Variants in NEGR1 observed in about 807,000 individuals in gnomAD.
NEGR1 encodes IgLON family member 4.
In NEGR1, 10 loss-of-function variants were observed where a neutral mutation model predicts 40.9. That is an observed-to-expected ratio of 0.24 (90% confidence interval 0.15 to 0.42). The LOEUF is 0.42. NEGR1 is among the 10% of genes least tolerant of loss of function. The probability of loss-of-function intolerance (pLI) is 1.00; values close to 1 mark genes in which losing one functional copy is unlikely to be tolerated. For synonymous variants in NEGR1, 185 were observed against 166.8 expected, an observed-to-expected ratio of 1.11 and a Z score of -0.84; for missense variants, 352 against 438.9, an observed-to-expected ratio of 0.80 and a Z score of 1.77.
chr1:71,967,205 G>T (rs1228734863), intron 1 of NEGR1, among the ~76,000 whole-genome samples: 1 of 152,146 alleles, frequency 6.6e-6, no homozygotes, highest in Non-Finnish European at 1.5e-5. Flanking sequence ...AAAAAATAAT[G>T]AATGAAGAAC....
Position 71,407,530 on chromosome 1 carries a change from A to T in NEGR1, c.981T>A (p.Asp327Glu). 6.2e-7 allele frequency: 1 copy of T among 1,612,382 alleles called. No homozygotes were observed. Among genetic ancestry groups the T allele is most frequent in the Non-Finnish European group, 8.5e-7 (1 of 1,178,578 alleles). The change falls in exon 7 of 7, where the codon GAT becomes GAA. Residue 327 changes from aspartate to glutamate, a missense_variant. Physicochemically the swap from Asp to Glu is conservative, Grantham distance 45. Transcript: ENST00000357731. ...TAQYGITGSADVLFSCWYLVL... is the reference protein window; with the variant it reads ...TAQYGITGSAEVLFSCWYLVL... ...CAAGGTACCAGCAGGAGAAAAGAAC[A>T]TCAGCGCTCCCGGTAATTCCATACT...
At chr1:71,449,712 T>C (rs988613779) in intron 6 of NEGR1, among the ~76,000 whole-genome samples, 1 of 152,148 alleles carries the variant, frequency 6.6e-6, no homozygotes, top group Non-Finnish European at 1.5e-5. Flanking sequence ...AAATCTTTAT[T>C]ATCTTCATTT....
At chr1:71,711,376 C>G (rs1296207581) in intron 3 of NEGR1, among the ~76,000 whole-genome samples, 1 of 142,978 alleles carries the variant, frequency 7.0e-6, no homozygotes, top group Admixed American at 7.1e-5. Flanking sequence ...AGAAGACACC[C>G]AGATGGTAAA....
chr1:72,201,904 A>C lies in NEGR1; in HGVS notation c.176+80415T>G, dbSNP rs116756988. On this transcript the variant is annotated intron_variant, in intron 1 of 6. Coordinates refer to ENST00000357731, the MANE Select transcript of NEGR1 (RefSeq NM_173808.3). Reference sequence around the variant, plus strand: ...TATTTATACAAGCACACAGAATTTTATTGTACTTTTCTTTGTTATGCTTTG... The same window carrying C: ...TATTTATACAAGCACACAGAATTTTCTTGTACTTTTCTTTGTTATGCTTTG... 7.6e-3 allele frequency among the ~76,000 whole-genome samples: 1,156 copies of C among 151,992 alleles called. 7 individuals are homozygous for C. Among genetic ancestry groups the C allele is most frequent in the Non-Finnish European group, 0.012 (828 of 67,906 alleles).
At chr1:71,591,190 T>C (rs1334003) in intron 6 of NEGR1, among the ~76,000 whole-genome samples, 136,136 of 152,150 alleles carry the variant, frequency 0.89, 62,265 homozygotes, top group Non-Finnish European at 1. Flanking sequence ...TCAAATTGTA[T>C]GTACTTAATA....
At chr1:71,650,827 T>C (rs1651688095) in intron 4 of NEGR1, among the ~76,000 whole-genome samples, 1 of 152,204 alleles carries the variant, frequency 6.6e-6, no homozygotes, top group African/African-American at 2.4e-5. Context: ...GGAGATCTTA[T>C]TTTGCTTTGT....
At chr1:72,067,800 T>A (rs1380453761) in intron 1 of NEGR1, among the ~76,000 whole-genome samples, 1 of 152,176 alleles carries the variant, frequency 6.6e-6, no homozygotes. Flanking sequence ...AATAAATAGC[T>A]GGTGACCACT....
intron 1 of NEGR1, among the ~76,000 whole-genome samples, chr1:72,251,826 T>A (rs376008350): frequency 6.1e-4 from 93 of 152,296 alleles, no homozygotes; most frequent in African/African-American, 2.2e-3. Context: ...ATTTTTCTTA[T>A]GATATTTCTT....
rs1646271233 is a variant in NEGR1 at position 71,405,248 on chromosome 1, A to T, written c.*2198T>A. ...ACCTCAATTTACCTACAAACCTTAC[A>T]AAGAGGAGGTATTTTAACTCTAGGA... On this transcript the variant is annotated 3_prime_UTR_variant, in exon 7 of 7. Coordinates refer to ENST00000357731, the MANE Select transcript of NEGR1 (RefSeq NM_173808.3). 1 of 152,214 alleles carries T rather than the reference A, an allele frequency of 6.6e-6. No homozygotes were observed. Among genetic ancestry groups the T allele is most frequent in the Non-Finnish European group, 1.5e-5 (1 of 67,776 alleles). 9.4% of individuals were successfully genotyped at this position (152,214 alleles called of 1,614,324 possible).
intron 2 of NEGR1, among the ~76,000 whole-genome samples, chr1:71,897,261 A>G (rs1190858299): frequency 6.6e-6 from 1 of 152,172 alleles, no homozygotes; most frequent in African/African-American, 2.4e-5. Context: ...ATTTCCCGAC[A>G]TGAATATCTT....
At chr1:72,067,573 G>T (rs1183282809) in intron 1 of NEGR1, among the ~76,000 whole-genome samples, 1 of 152,006 alleles carries the variant, frequency 6.6e-6, no homozygotes, top group African/African-American at 2.4e-5. Context: ...TCCAAATCTT[G>T]CTTGAACTGT....
At chr1:72,209,616 C>T (rs1180694713) in intron 1 of NEGR1, among the ~76,000 whole-genome samples, 1 of 151,814 alleles carries the variant, frequency 6.6e-6, no homozygotes, top group Non-Finnish European at 1.5e-5. Context: ...TATTTTTGTA[C>T]TACCGATATG....
chr1:71,540,176 T>C (rs1216677867), intron 6 of NEGR1, among the ~76,000 whole-genome samples: 1 of 151,866 alleles, frequency 6.6e-6, no homozygotes, highest in African/African-American at 2.4e-5. Context: ...GAGAGTGTGG[T>C]ATTATTTTCT....
chr1:72,264,214 C>G (rs1486622167), intron 1 of NEGR1, among the ~76,000 whole-genome samples: 1 of 151,242 alleles, frequency 6.6e-6, no homozygotes, highest in African/African-American at 2.4e-5. Flanking sequence ...TTGATGTTTA[C>G]AAGACATTTA....
chr1:71,812,753 TTG>T (rs774871208), intron 2 of NEGR1, among the ~76,000 whole-genome samples: 9 of 152,048 alleles, frequency 5.9e-5, no homozygotes, highest in East Asian at 5.8e-4. Flanking sequence ...TGTGTTTTTA[TTG>T]TGTTTTTTTC....
chr1:72,127,031 T>G (rs1650047705), intron 1 of NEGR1, among the ~76,000 whole-genome samples: 1 of 152,216 alleles, frequency 6.6e-6, no homozygotes, highest in Non-Finnish European at 1.5e-5. Flanking sequence ...TAGAACATTC[T>G]TGAAAATATA....
chr1:72,007,772 T>C (rs958441858), intron 1 of NEGR1, among the ~76,000 whole-genome samples: 1 of 152,174 alleles, frequency 6.6e-6, no homozygotes, highest in African/African-American at 2.4e-5. Context: ...TCTAAAGATA[T>C]AGGCCATTTT....
intron 6 of NEGR1, among the ~76,000 whole-genome samples, chr1:71,492,151 C>T (rs1320586210): frequency 3.3e-5 from 5 of 151,994 alleles, no homozygotes; most frequent in Non-Finnish European, 7.4e-5. Context: ...TTATAAATCA[C>T]CTAGTTTATA....
At chr1:72,038,254 G>C (rs1646922245) in intron 1 of NEGR1, among the ~76,000 whole-genome samples, 1 of 151,946 alleles carries the variant, frequency 6.6e-6, no homozygotes, top group African/African-American at 2.4e-5. Flanking sequence ...CATTGGTAAG[G>C]ATAAATATCT....
Sources: gnomAD v4.1 joint callset for allele counts (sites outside exome capture counted in the v4.1 genomes callset) on GRCh38, gnomAD v4.1.1 for gene constraint, MANE v1.5 for transcripts, NCBI Gene and HGNC (gene_info 2026-07-23, HGNC 2026-07-21) for gene names.